TRAPPC9: variants seen among roughly 807,000 people sequenced by gnomAD.
The protein encoded by TRAPPC9 is trafficking protein particle complex subunit 9.
TRAPPC9 carries 83 observed loss-of-function variants against 124.0 expected under a neutral mutation model. The ratio of observed to expected loss-of-function variants is 0.67; its 90% confidence interval spans 0.56 to 0.80. The LOEUF is 0.80. Ranked by LOEUF, TRAPPC9 falls within the 30% of genes least tolerant of loss-of-function variation. TRAPPC9 has a pLI of 0.00. For synonymous variants in TRAPPC9, 638 were observed against 617.5 expected (o/e 1.03, Z -0.49); for missense variants, 1,302 against 1,508.3 (o/e 0.86, Z 2.27).
At chr8:140,370,157 T>C (rs1164161079) in intron 8 of TRAPPC9, among the ~76,000 whole-genome samples, 1 of 152,064 alleles carries the variant, frequency 6.6e-6, no homozygotes, top group Admixed American at 6.5e-5. Context: ...TGGGTTTTTT[T>C]TAGATAAGGT....
intron 17 of TRAPPC9, among the ~76,000 whole-genome samples, chr8:140,190,348 C>T (rs533917746): frequency 6.6e-6 from 1 of 152,176 alleles, no homozygotes; most frequent in Non-Finnish European, 1.5e-5. Flanking sequence ...ATCCCAGCTA[C>T]TCGGGAGGCT....
intron 18 of TRAPPC9, among the ~76,000 whole-genome samples, chr8:139,994,865 G>A (rs1355944110): frequency 1.3e-5 from 2 of 151,814 alleles, no homozygotes; most frequent in African/African-American, 4.8e-5. Context: ...AGCAGAGAGT[G>A]GTGTAGGAGT....
intron 21 of TRAPPC9, among the ~76,000 whole-genome samples, chr8:139,832,764 C>T (rs950612046): frequency 6.6e-6 from 1 of 152,148 alleles, no homozygotes; most frequent in Non-Finnish European, 1.5e-5. Flanking sequence ...AGGTGGATGA[C>T]GTGTCCCTTC....
intron 17 of TRAPPC9, among the ~76,000 whole-genome samples, chr8:140,038,414 C>T (rs1167031474): frequency 6.6e-6 from 1 of 152,232 alleles, no homozygotes; most frequent in Non-Finnish European, 1.5e-5. Flanking sequence ...AGGCCCCTCA[C>T]TCTAGAGGGT....
intron 21 of TRAPPC9, among the ~76,000 whole-genome samples, chr8:139,778,538 A>G (rs1027038453): frequency 3.3e-5 from 5 of 152,256 alleles, no homozygotes; most frequent in Non-Finnish European, 5.9e-5. Context: ...AACAGTTATC[A>G]TAACTGTATT....
chr8:140,395,185 G>C (rs1033722915), intron 7 of TRAPPC9, among the ~76,000 whole-genome samples: 14 of 152,170 alleles, frequency 9.2e-5, no homozygotes, highest in African/African-American at 3.4e-4. Flanking sequence ...CGGTGGTGCT[G>C]TTTCCCTCAT....
chr8:139,761,432 A>G (rs1820210448), intron 21 of TRAPPC9, among the ~76,000 whole-genome samples: 1 of 152,202 alleles, frequency 6.6e-6, no homozygotes, highest in African/African-American at 2.4e-5. Flanking sequence ...GTTAAAATGT[A>G]GACTTCCCGG....
intron 21 of TRAPPC9, among the ~76,000 whole-genome samples, chr8:139,744,320 TCA>T (rs1251615854): frequency 3.3e-5 from 5 of 152,142 alleles, no homozygotes; most frequent in African/African-American, 1.2e-4. Context: ...ATGTGTCAAA[TCA>T]CACAGTCCCC....
intron 19 of TRAPPC9, among the ~76,000 whole-genome samples, chr8:139,915,787 G>A (rs886580514): frequency 1.3e-5 from 2 of 152,308 alleles, no homozygotes; most frequent in South Asian, 2.1e-4. Flanking sequence ...TTGGTCCTGG[G>A]CTGGGAGCTC....
intron 6 of TRAPPC9, among the ~76,000 whole-genome samples, chr8:140,401,086 G>A (rs1470581482): frequency 6.6e-6 from 1 of 152,170 alleles, no homozygotes; most frequent in Non-Finnish European, 1.5e-5. Flanking sequence ...TTTTGCTGGG[G>A]CATTAGGTCA....
In TRAPPC9 at chr8:140,436,261, G is replaced by T. The variant is rs552301621; in HGVS notation, c.731-1021C>A. On this transcript the variant is annotated intron_variant, in intron 3 of 22. Transcript: ENST00000438773. ...CTCGGGAGGCTGAGGCAAGAGAATC[G>T]CTTGAACCTGGGAAATGGAAGTTTC... 2.9e-3 allele frequency among the ~76,000 whole-genome samples: 449 copies of T among 152,216 alleles called. 1 individual carries two copies. Among genetic ancestry groups the T allele is most frequent in the African/African-American group, 9.9e-3 (413 of 41,522 alleles).
At chr8:140,203,617 C>T (rs940083210) in intron 17 of TRAPPC9, among the ~76,000 whole-genome samples, 15 of 152,146 alleles carry the variant, frequency 9.9e-5, no homozygotes, top group Non-Finnish European at 5.9e-5. Context: ...ATGTGAAAAT[C>T]GGTGCTTGCG....
intron 17 of TRAPPC9, chr8:140,099,099 A>C (rs1447109820): frequency 2.0e-5 from 3 of 151,170 alleles, no homozygotes; most frequent in Non-Finnish European, 1.5e-5. Flanking sequence ...TCGCCACCGC[A>C]GGGTAAGACA....
intron 9 of TRAPPC9, among the ~76,000 whole-genome samples, chr8:140,359,530 C>T (rs2067870760): frequency 6.6e-6 from 1 of 152,136 alleles, no homozygotes; most frequent in African/African-American, 2.4e-5. Flanking sequence ...ACATGCAAAC[C>T]TCATCTTTGG....
rs185076050 is a variant in TRAPPC9 at position 139,841,141 on chromosome 8, T to C, written c.3055+44738A>G. On this transcript the variant is annotated intron_variant, in intron 21 of 22. Transcript: ENST00000438773. ...TCGCTTGCCTTTTCCTGCTGAGGGA[T>C]TTCCCACATCCCCTCGCCCCCGGCT... Among the ~76,000 whole-genome samples, 211 of 152,242 alleles carry C rather than the reference T, an allele frequency of 1.4e-3. 1 individual carries two copies. The highest frequency in any genetic ancestry group is 4.6e-3 in the African/African-American group (192 of 41,546).
intron 16 of TRAPPC9, among the ~76,000 whole-genome samples, chr8:140,226,763 A>C (rs922846203): frequency 1.3e-5 from 2 of 152,114 alleles, no homozygotes; most frequent in African/African-American, 4.8e-5. Context: ...TAAAAAACTC[A>C]ATGAGATTTG....
At chr8:139,979,090 C>T (rs997364384) in intron 19 of TRAPPC9, among the ~76,000 whole-genome samples, 4 of 151,758 alleles carry the variant, frequency 2.6e-5, no homozygotes, top group African/African-American at 7.3e-5. Flanking sequence ...GGTGCGGAGC[C>T]GTGAGGGTCA....
intron 21 of TRAPPC9, among the ~76,000 whole-genome samples, chr8:139,879,026 G>A (rs1436924374): frequency 6.6e-6 from 1 of 152,246 alleles, no homozygotes; most frequent in Non-Finnish European, 1.5e-5. Context: ...CTCCAAGTCA[G>A]AGAAAGAATC....
intron 9 of TRAPPC9, among the ~76,000 whole-genome samples, chr8:140,312,835 C>T (rs1391368451): frequency 6.6e-6 from 1 of 150,956 alleles, no homozygotes; most frequent in African/African-American, 2.4e-5. Context: ...TCTCAGCTCA[C>T]TGCAACCTCC....
Sources: gnomAD v4.1 joint callset for allele counts (sites outside exome capture counted in the v4.1 genomes callset) on GRCh38, gnomAD v4.1.1 for gene constraint, MANE v1.5 for transcripts, NCBI Gene and HGNC (gene_info 2026-07-23, HGNC 2026-07-21) for gene names.